Variants in SLC12A5 observed in about 807,000 individuals in gnomAD.
SLC12A5 encodes the protein solute carrier family 12 member 5.
A neutral mutation model predicts 124.0 loss-of-function variants in SLC12A5; 18 were observed. The ratio of observed to expected loss-of-function variants is 0.15; its 90% CI spans 0.10 to 0.22. SLC12A5 has a LOEUF of 0.22. Among genes scored for constraint, SLC12A5 ranks in the 10% least tolerant of loss-of-function variants. The pLI is 1.00. For missense variants in SLC12A5, 867 were observed against 1,478.7 expected (o/e 0.59, Z 6.78); for synonymous variants, 589 against 568.0 (o/e 1.04, Z -0.53).
At chr20:46,043,366 A>C in intron 9 of SLC12A5, 43 bp downstream of exon 9, 1 of 1,597,168 alleles carries the variant, frequency 6.3e-7, no homozygotes, top group South Asian at 1.1e-5. Flanking sequence ...CTGTGAGTGG[A>C]TGGGGAAGAG....
Position 46,044,961 on chromosome 20 carries a change from T to C in SLC12A5, c.1395-5T>C, listed in dbSNP as rs1485511561. ...ACCTGGCATCTCCTGTCCACATCAT[T>C]CCAGGTTTGGCGAAGCTGTGAATGG... On this transcript the variant is annotated splice_region_variant and splice_polypyrimidine_tract_variant and intron_variant, in intron 11 of 25. Transcript: ENST00000243964. The C allele has an allele frequency of 3.1e-6, 5 of 1,614,060 alleles. No homozygotes were observed. Among genetic ancestry groups the C allele is most frequent in the Non-Finnish European group, 3.4e-6 (4 of 1,180,038 alleles).
intron 15 of SLC12A5, among the ~76,000 whole-genome samples, 161 bp downstream of exon 15, chr20:46,047,734 AT>A (rs1434782048): frequency 6.6e-6 from 1 of 151,868 alleles, no homozygotes; most frequent in East Asian, 1.9e-4. Flanking sequence ...ATGGGATGAC[AT>A]TGGAAGATGG....
chr20:46,035,733 G>T (rs200843349), intron 3 of SLC12A5, 44 bp from the exon 4 acceptor site: 3 of 1,581,330 alleles, frequency 1.9e-6, no homozygotes, highest in African/African-American at 2.7e-5. Flanking sequence ...TGGGGTGTTC[G>T]TAATGATGAG....
intron 4 of SLC12A5, 126 bp downstream of exon 4, chr20:46,036,049 T>G (rs2084495825): frequency 8.2e-7 from 1 of 1,223,070 alleles, no homozygotes; most frequent in African/African-American, 1.5e-5. Context: ...TTATGATCTT[T>G]GAGAGTAAAT....
In SLC12A5 at chr20:46,043,908, A is replaced by G. The variant is rs772414812; in HGVS notation, c.1369A>G (p.Ile457Val). The G allele has an allele frequency of 2.5e-6, 4 of 1,608,864 alleles. No individual in the cohort carries two copies. Among genetic ancestry groups the G allele is most frequent in the Non-Finnish European group, 3.4e-6 (4 of 1,177,378 alleles). The change falls in exon 11 of 26, where the codon ATT becomes GTT. Residue 457 changes from isoleucine (I) to valine (V), a missense_variant. Coordinates refer to ENST00000243964, the MANE Select transcript of SLC12A5 (RefSeq NM_020708.5). ...CTCCGTTGTTCTGTTTGGGGCCTGC[A>G]TTGAGGGGGTCGTCCTGCGGGACAA... is the stretch of plus-strand genomic sequence containing the variant. ...ISSVVLFGAC[I>V]EGVVLRDKFG...
At chr20:46,043,387 A>C (rs894615500) in intron 9 of SLC12A5, 64 bp downstream of exon 9, 1 of 1,561,416 alleles carries the variant, frequency 6.4e-7, no homozygotes, top group African/African-American at 1.4e-5. Context: ...AGAGTCGATG[A>C]TGATGTTGGG....
intron 10 of SLC12A5, 48 bp downstream of exon 10, chr20:46,043,779 G>C (rs2084569487): frequency 6.2e-7 from 1 of 1,613,100 alleles, no homozygotes; most frequent in Non-Finnish European, 8.5e-7. Context: ...AGGGCAAGAG[G>C]GAGGGCAGCT....
intron 6 of SLC12A5, among the ~76,000 whole-genome samples, chr20:46,039,349 G>A (rs145265090): frequency 1.3e-5 from 2 of 152,268 alleles, no homozygotes; most frequent in African/African-American, 2.4e-5. Flanking sequence ...ACATACAGAC[G>A]TATACTAATA....
At chr20:46,040,707 A>G in intron 7 of SLC12A5, 93 bp downstream of exon 7, 8 of 1,547,704 alleles carry the variant, frequency 5.2e-6, no homozygotes, top group Non-Finnish European at 7.0e-6. Flanking sequence ...CCTGCCCCTC[A>G]GAATCTCAGA....
chr20:46,044,067 G>C (rs1294998463), intron 11 of SLC12A5, 134 bp downstream of exon 11: 1 of 717,808 alleles, frequency 1.4e-6, no homozygotes, highest in Admixed American at 3.1e-5. Flanking sequence ...GGGATTGCTT[G>C]CAAAGTCATC....
rs1353451265 is a variant in SLC12A5 at position 46,058,007 on chromosome 20, C to T, written c.*402C>T. On this transcript the variant is annotated 3_prime_UTR_variant, in exon 26 of 26. Transcript: ENST00000243964. The surrounding 1 kb of genome is among the most constrained non-coding windows in gnomAD (Gnocchi z 5.8). ...CGGTCCTCGCTCTGCGCTCCTCCGG[C>T]GCTGCTCCCTGGCTCCCGGCGGCCC... The T allele has an allele frequency of 4.4e-5, 8 of 180,422 alleles. No individual in the cohort carries two copies. The highest frequency in any genetic ancestry group is 9.1e-5 in the Non-Finnish European group (8 of 87,938). The allele number at this position is 180,422 out of a possible 1,614,324, so 11.2% of individuals were successfully genotyped here.
At chr20:46,022,601 G>A in intron 1 of SLC12A5, 1 of 379,844 alleles carries the variant, frequency 2.6e-6, no homozygotes, top group Non-Finnish European at 4.7e-6. Context: ...CCTGGGCAGC[G>A]AGATTCAGGG....
rs374372733 is a variant in SLC12A5 at position 46,051,685 on chromosome 20, G to A, written c.2192G>A (p.Arg731His). The change falls in exon 18 of 26, where the codon CGC becomes CAC. Residue 731 changes from arginine (R) to histidine (H), a missense_variant. Arg to His is a conservative substitution (Grantham distance 29). Coordinates refer to ENST00000243964, the MANE Select transcript of SLC12A5 (RefSeq NM_020708.5). ...QAQRAEESIR[R>H]LMEAEKVKGF... Reference sequence around the variant, plus strand: ...TTCCCCCTCCCCTAGTCTATCAGGCGCCTGATGGAGGCAGAGAAGGTGAAG... The same window carrying A: ...TTCCCCCTCCCCTAGTCTATCAGGCACCTGATGGAGGCAGAGAAGGTGAAG... 1.1e-5 allele frequency: 17 copies of A among 1,608,368 alleles called. No homozygotes were observed. The East Asian group carries it at 1.1e-4, about 11-fold the overall frequency.
In SLC12A5 at chr20:46,051,671, C is replaced by A. The variant is rs771121800; in HGVS notation, c.2182-4C>A. ...CTGGTCCTTGTCTTTTCCCCCTCCC[C>A]TAGTCTATCAGGCGCCTGATGGAGG... On this transcript the variant is annotated splice_polypyrimidine_tract_variant and splice_region_variant and intron_variant, in intron 17 of 25. Transcript: ENST00000243964. 6.2e-7 allele frequency: 1 copy of A among 1,605,402 alleles called. No individual in the cohort carries two copies. The highest frequency in any genetic ancestry group is 8.5e-7 in the Non-Finnish European group (1 of 1,176,748).
At chr20:46,041,669 G>T in intron 8 of SLC12A5, 129 bp downstream of exon 8, 1 of 900,076 alleles carries the variant, frequency 1.1e-6, no homozygotes, top group Non-Finnish European at 1.7e-6. Context: ...CCTACTCTGA[G>T]TTACATTCTG....
chr20:46,022,841 A>C, intron 1 of SLC12A5: 1 of 399,170 alleles, frequency 2.5e-6, no homozygotes, highest in Non-Finnish European at 4.4e-6. Flanking sequence ...GCGCGTGCAC[A>C]GTCTCCCCTC....
chr20:46,047,017 G>A (rs1202365811), intron 14 of SLC12A5, among the ~76,000 whole-genome samples: 3 of 152,232 alleles, frequency 2.0e-5, no homozygotes, highest in African/African-American at 7.2e-5. Context: ...AGAGGGCAAG[G>A]GACCGGCCCA....
chr20:46,044,614 TCATG>T (rs1188971873), intron 11 of SLC12A5: 38 of 280,296 alleles, frequency 1.4e-4, no homozygotes, highest in Admixed American at 2.0e-4. Flanking sequence ...CCTGGAGCAC[TCATG>T]TCTGAAGGGC....
At chr20:46,043,051 G>A in intron 8 of SLC12A5, 102 bp from the exon 9 acceptor site, 1 of 1,095,746 alleles carries the variant, frequency 9.1e-7, no homozygotes, top group Non-Finnish European at 1.3e-6. Context: ...AGTGAGATGG[G>A]GTTGATCTTG....
Sources: gnomAD v4.1 joint callset for allele counts (sites outside exome capture counted in the v4.1 genomes callset) on GRCh38, gnomAD v4.1.1 for gene constraint, Gnocchi (gnomAD v3.1) non-coding constraint, MANE v1.5 for transcripts, NCBI Gene and HGNC (gene_info 2026-07-23, HGNC 2026-07-21) for gene names.